Variants in RNF150 observed in about 807,000 individuals in gnomAD.
RNF150 encodes ring finger protein 150.
RNF150 carries 24 observed loss-of-function variants against 39.3 expected under a neutral mutation model. That is an observed-to-expected ratio of 0.61 (90% CI 0.44 to 0.86). RNF150 has a LOEUF of 0.86. Among genes scored for constraint, RNF150 ranks in the 40% least tolerant of loss-of-function variants. The probability of loss-of-function intolerance (pLI) is 0.00; values close to 1 mark genes in which losing one functional copy is unlikely to be tolerated. For missense variants in RNF150, 502 were observed against 587.8 expected, an observed-to-expected ratio of 0.85 and a Z score of 1.51; for synonymous variants, 255 against 227.3, an observed-to-expected ratio of 1.12 and a Z score of -1.10.
intron 5 of RNF150, among the ~76,000 whole-genome samples, chr4:140,918,952 A>G (rs1730978484): frequency 6.6e-6 from 1 of 152,216 alleles, no homozygotes; most frequent in Admixed American, 6.5e-5. Context: ...TTATCTCAAT[A>G]GATGCAGAAA....
intron 1 of RNF150, among the ~76,000 whole-genome samples, chr4:141,196,357 G>C (rs1728201487): frequency 6.6e-6 from 1 of 152,172 alleles, no homozygotes; most frequent in Non-Finnish European, 1.5e-5. Flanking sequence ...CACTACATCA[G>C]TTAGGTTCCC....
At chr4:141,050,951 C>T (rs1163784384) in intron 1 of RNF150, among the ~76,000 whole-genome samples, 1 of 152,188 alleles carries the variant, frequency 6.6e-6, no homozygotes, top group Non-Finnish European at 1.5e-5. Flanking sequence ...CGAGGTTCTC[C>T]CTGATGGCCC....
At chr4:141,175,742 A>G (rs922472608) in intron 1 of RNF150, among the ~76,000 whole-genome samples, 9 of 152,166 alleles carry the variant, frequency 5.9e-5, no homozygotes, top group African/African-American at 1.9e-4. Flanking sequence ...ATTTCTCACA[A>G]TTCTGGAGGC....
rs1405091325 is a variant in RNF150 at position 140,865,983 on chromosome 4, T to C, written c.*2278A>G. ...AGGAGGAGTCAGTGGCGCAAGCCTA[T>C]GCTGACTGTGAAAAATAAACACCTC... On this transcript the variant is annotated 3_prime_UTR_variant, in exon 7 of 7. Transcript: ENST00000515673. 1 of 152,076 alleles carries C rather than the reference T, an allele frequency of 6.6e-6. No homozygotes were observed. Among genetic ancestry groups the C allele is most frequent in the Non-Finnish European group, 1.5e-5 (1 of 68,028 alleles). 9.4% of individuals were successfully genotyped at this position (152,076 alleles called of 1,614,324 possible). A position where few individuals can be genotyped will look rare whatever the true frequency, so the allele number is the denominator to read the frequency against.
intron 1 of RNF150, among the ~76,000 whole-genome samples, chr4:140,978,051 A>C (rs1356455449): frequency 6.6e-6 from 1 of 152,192 alleles, no homozygotes; most frequent in Non-Finnish European, 1.5e-5. Flanking sequence ...AAGAGATAAA[A>C]ACTTAAATTG....
intron 4 of RNF150, among the ~76,000 whole-genome samples, chr4:140,929,131 C>T (rs1339991997): frequency 6.6e-6 from 1 of 152,118 alleles, no homozygotes; most frequent in Non-Finnish European, 1.5e-5. Context: ...GTTTTCTGCA[C>T]ATAGGCTGAG....
chr4:140,868,858 T>A (rs1432829652), intron 6 of RNF150, among the ~76,000 whole-genome samples: 1 of 152,114 alleles, frequency 6.6e-6, no homozygotes, highest in African/African-American at 2.4e-5. Context: ...TGGACAAAGG[T>A]TACCATTACA....
At chr4:141,207,454 T>A (rs920633859) in intron 1 of RNF150, among the ~76,000 whole-genome samples, 1 of 151,846 alleles carries the variant, frequency 6.6e-6, no homozygotes, top group African/African-American at 2.4e-5. Context: ...GGAGAAGAAA[T>A]GTGGAAAGCA....
chr4:140,920,859 A>G (rs1731092572), intron 5 of RNF150, among the ~76,000 whole-genome samples: 1 of 151,378 alleles, frequency 6.6e-6, no homozygotes, highest in Admixed American at 6.6e-5. Context: ...ATGCAGCCGT[A>G]AAAAATGATG....
chr4:141,178,292 C>G (rs926628728), intron 1 of RNF150, among the ~76,000 whole-genome samples: 1 of 151,996 alleles, frequency 6.6e-6, no homozygotes, highest in African/African-American at 2.4e-5. Context: ...GCTATTTTCT[C>G]TAATTATAGA....
intron 1 of RNF150, among the ~76,000 whole-genome samples, chr4:141,188,022 G>T (rs1236489303): frequency 2.0e-5 from 3 of 152,110 alleles, no homozygotes; most frequent in Admixed American, 2.0e-4. Flanking sequence ...TCCTTCCAGA[G>T]CTCTTGTAAG....
intron 1 of RNF150, among the ~76,000 whole-genome samples, chr4:140,988,363 A>G (rs1031730451): frequency 2.0e-5 from 3 of 152,186 alleles, no homozygotes; most frequent in African/African-American, 4.8e-5. Context: ...GTGTCCATCA[A>G]CAGCAGATTG....
chr4:141,057,421 T>A (rs1737025104), intron 1 of RNF150, among the ~76,000 whole-genome samples: 1 of 152,058 alleles, frequency 6.6e-6, no homozygotes, highest in African/African-American at 2.4e-5. Flanking sequence ...AAAATTAAGT[T>A]TTTGGTGTAC....
At chr4:141,071,436 A>C (rs1053370105) in intron 1 of RNF150, among the ~76,000 whole-genome samples, 7 of 152,046 alleles carry the variant, frequency 4.6e-5, no homozygotes, top group Non-Finnish European at 4.4e-5. Flanking sequence ...AATTTTTAAG[A>C]GCTGAAGACC....
intron 2 of RNF150, among the ~76,000 whole-genome samples, chr4:140,962,332 C>T (rs1400056018): frequency 2.6e-5 from 4 of 151,620 alleles, no homozygotes; most frequent in Non-Finnish European, 2.9e-5. Context: ...TTACTAGCCA[C>T]ATTTCATGTG....
chr4:141,082,721 T>C (rs1039475623), intron 1 of RNF150, among the ~76,000 whole-genome samples: 2 of 151,116 alleles, frequency 1.3e-5, no homozygotes, highest in Admixed American at 1.3e-4. Flanking sequence ...CCCGAGTAGC[T>C]GGGACTACAG....
At chr4:141,072,225 T>C (rs1257002884) in intron 1 of RNF150, among the ~76,000 whole-genome samples, 4 of 152,212 alleles carry the variant, frequency 2.6e-5, no homozygotes, top group Non-Finnish European at 4.4e-5. Flanking sequence ...TTTTATATTA[T>C]GAAAGAGCCA....
At chr4:141,125,715 G>A (rs777622283) in intron 1 of RNF150, among the ~76,000 whole-genome samples, 5 of 152,130 alleles carry the variant, frequency 3.3e-5, no homozygotes, top group Non-Finnish European at 5.9e-5. Flanking sequence ...AAAACTGGAA[G>A]AATGAGCTAT....
intron 1 of RNF150, among the ~76,000 whole-genome samples, chr4:141,105,306 T>C (rs1047684960): frequency 1.3e-5 from 2 of 152,198 alleles, no homozygotes; most frequent in African/African-American, 4.8e-5. Flanking sequence ...TAGGGGCCAA[T>C]GTGATAACTG....
Sources: gnomAD v4.1 joint callset for allele counts (sites outside exome capture counted in the v4.1 genomes callset) on GRCh38, gnomAD v4.1.1 for gene constraint, MANE v1.5 for transcripts, NCBI Gene and HGNC (gene_info 2026-07-23, HGNC 2026-07-21) for gene names.